Variants in CSMD1 observed in about 807,000 individuals in gnomAD.
CSMD1 encodes CUB and sushi domain-containing protein 1.
Under a neutral mutation model 417.5 loss-of-function variants are expected in CSMD1, and 213 were observed. That is an observed-to-expected ratio of 0.51 (90% CI 0.46 to 0.57). The LOEUF is 0.57. Ranked by LOEUF, CSMD1 falls within the 20% of genes least tolerant of loss-of-function variation. CSMD1 has a pLI of 0.00. For missense variants in CSMD1, 6,923 were observed against 4,529.7 expected (o/e 1.53, Z -15.17); for synonymous variants, 2,862 against 1,736.8 (o/e 1.65, Z -16.11).
chr8:4,617,206 C>A (rs12334887), intron 2 of CSMD1, among the ~76,000 whole-genome samples: 13,956 of 152,054 alleles, frequency 0.092, 1,014 homozygotes, highest in African/African-American at 0.2. Flanking sequence ...TTAGTTTTTG[C>A]AACTTTATAC....
intron 12 of CSMD1, among the ~76,000 whole-genome samples, chr8:3,455,372 G>A (rs1376009171): frequency 1.3e-5 from 2 of 152,236 alleles, no homozygotes; most frequent in African/African-American, 4.8e-5. Flanking sequence ...CTTTCCTTTG[G>A]AGGAGGAGAG....
chr8:3,898,947 A>G (rs1563190418), intron 5 of CSMD1, among the ~76,000 whole-genome samples: 1 of 152,178 alleles, frequency 6.6e-6, no homozygotes, highest in Non-Finnish European at 1.5e-5. Flanking sequence ...CAAAAATTTT[A>G]TGGGAAAAAT....
At chr8:3,004,546 G>A (rs1410805489) in intron 52 of CSMD1, among the ~76,000 whole-genome samples, 1 of 152,184 alleles carries the variant, frequency 6.6e-6, no homozygotes, top group Non-Finnish European at 1.5e-5. Flanking sequence ...CTATGCAACT[G>A]TAAATTCATA....
At position 4,006,477 on chromosome 8, in the gene CSMD1, G is replaced by A. The variant is rs143042834; in HGVS notation, c.611-8367C>T. On this transcript the variant is annotated intron_variant, in intron 4 of 69. Coordinates refer to ENST00000635120, the MANE Select transcript of CSMD1 (RefSeq NM_033225.6). ...AAGAATCGCTTGAACTTGGGAGGCA[G>A]AGGTTGCAGTGAGCCAAGATCACCC... Among the ~76,000 whole-genome samples, 51 of 152,286 alleles carry A rather than the reference G, an allele frequency of 3.3e-4. No homozygotes were observed. In the South Asian group the frequency reaches 0.011, roughly 32 times the overall value.
At chr8:4,077,518 C>G (rs1380160987) in intron 3 of CSMD1, among the ~76,000 whole-genome samples, 1 of 151,786 alleles carries the variant, frequency 6.6e-6, no homozygotes, top group Non-Finnish European at 1.5e-5. Flanking sequence ...AACTTTTTTA[C>G]CATCACACTG....
chr8:3,704,786 G>A (rs979366455), intron 7 of CSMD1: 1 of 152,216 alleles, frequency 6.6e-6, no homozygotes, highest in South Asian at 2.1e-4. Flanking sequence ...GAGGCTGTCA[G>A]GGAAATTCTC....
At chr8:3,034,816 T>C (rs375817745) in intron 50 of CSMD1, among the ~76,000 whole-genome samples, 109 of 152,204 alleles carry the variant, frequency 7.2e-4, no homozygotes, top group African/African-American at 2.4e-3. Context: ...GGGAATAAGA[T>C]AAAACTGAGA....
chr8:4,296,242 G>C (rs1452393980), intron 3 of CSMD1, among the ~76,000 whole-genome samples: 2 of 152,204 alleles, frequency 1.3e-5, no homozygotes, highest in Middle Eastern at 3.4e-3. Context: ...TCAGTGATTA[G>C]AGCTGGAGGA....
chr8:4,189,043 T>C (rs1798860005), intron 3 of CSMD1, among the ~76,000 whole-genome samples: 1 of 152,146 alleles, frequency 6.6e-6, no homozygotes, highest in African/African-American at 2.4e-5. Context: ...AAAGCCCAGG[T>C]TTTATTTGTT....
At chr8:3,876,456 C>G (rs536773653) in intron 5 of CSMD1, among the ~76,000 whole-genome samples, 34 of 152,228 alleles carry the variant, frequency 2.2e-4, no homozygotes, top group African/African-American at 7.5e-4. Flanking sequence ...ATTCCTGTCT[C>G]TTGTTGGAGA....
At chr8:4,285,491 A>G (rs1797010683) in intron 3 of CSMD1, among the ~76,000 whole-genome samples, 1 of 152,206 alleles carries the variant, frequency 6.6e-6, no homozygotes, top group South Asian at 2.1e-4. Context: ...GGGCTTTTCC[A>G]AATATAAAGA....
chr8:4,054,558 C>G (rs55707403), intron 3 of CSMD1, among the ~76,000 whole-genome samples: 5,950 of 151,980 alleles, frequency 0.039, 371 homozygotes, highest in African/African-American at 0.13. Flanking sequence ...GTCCCTCTTG[C>G]GGAGTTCAAC....
At chr8:4,800,894 C>G (rs1012743067) in intron 1 of CSMD1, among the ~76,000 whole-genome samples, 2 of 152,220 alleles carry the variant, frequency 1.3e-5, no homozygotes, top group Non-Finnish European at 2.9e-5. Flanking sequence ...GAACTTACGT[C>G]TTGTACTCAT....
At chr8:4,558,722 A>G (rs914753714) in intron 2 of CSMD1, among the ~76,000 whole-genome samples, 2 of 152,058 alleles carry the variant, frequency 1.3e-5, no homozygotes, top group Non-Finnish European at 2.9e-5. Flanking sequence ...CAAAAAAATT[A>G]GCCCAGCATG....
At chr8:4,376,597 A>T (rs1438939813) in intron 3 of CSMD1, among the ~76,000 whole-genome samples, 1 of 150,904 alleles carries the variant, frequency 6.6e-6, no homozygotes, top group Non-Finnish European at 1.5e-5. Context: ...AGTTAGTCTG[A>T]CAATTTTTAG....
intron 23 of CSMD1, among the ~76,000 whole-genome samples, chr8:3,312,774 A>C (rs1361334057): frequency 6.7e-6 from 1 of 149,846 alleles, no homozygotes; most frequent in African/African-American, 2.5e-5. Flanking sequence ...TTAGAGCCAT[A>C]GCATGTCAGC....
intron 20 of CSMD1, among the ~76,000 whole-genome samples, chr8:3,365,715 T>C (rs1344619340): frequency 6.6e-6 from 1 of 152,218 alleles, no homozygotes; most frequent in Non-Finnish European, 1.5e-5. Context: ...AGTAGGCTAT[T>C]AGTAGTTAAG....
intron 5 of CSMD1, among the ~76,000 whole-genome samples, chr8:3,828,978 G>T (rs534391307): frequency 1.3e-5 from 2 of 151,870 alleles, no homozygotes; most frequent in South Asian, 4.2e-4. Flanking sequence ...GTTCCTTAGG[G>T]TTTTTACCCC....
At chr8:4,131,450 G>A (rs186576863) in intron 3 of CSMD1, among the ~76,000 whole-genome samples, 3 of 152,074 alleles carry the variant, frequency 2.0e-5, no homozygotes, top group Admixed American at 6.5e-5. Flanking sequence ...TCAAATATAC[G>A]ATTAAACTTC....
Sources: allele counts gnomAD v4.1 joint callset (sites outside exome capture counted in the v4.1 genomes callset), GRCh38; gene constraint gnomAD v4.1.1; transcripts MANE v1.5; gene names NCBI Gene and HGNC (gene_info 2026-07-23, HGNC 2026-07-21).